The following ANGPT4 variants were observed in gnomAD, a reference collection of about 807,000 sequenced individuals.
The protein encoded by ANGPT4 is angiopoietin 4.
Under a neutral mutation model 53.0 loss-of-function variants are expected in ANGPT4, and 50 were observed. The ratio of observed to expected loss-of-function variants is 0.94; its 90% CI spans 0.75 to 1.20. The LOEUF (loss-of-function observed/expected upper bound fraction) is 1.20. Among genes scored for constraint, ANGPT4 ranks in the 50% most tolerant of loss-of-function variants. The pLI, the probability that ANGPT4 is intolerant of heterozygous loss-of-function variation, is 0.00. For missense variants in ANGPT4, 648 were observed against 637.1 expected (o/e 1.02, Z -0.18); for synonymous variants, 251 against 259.7 (o/e 0.97, Z 0.32).
rs1980989935 is a variant in ANGPT4, at chr20:872,758, C to G, written c.*202G>C. Reference sequence around the variant, plus strand: ...GAGGACTACATCAGAGGGATGGGCCCCGAACACCCTCCATGTCACAGACGG... The same window carrying G: ...GAGGACTACATCAGAGGGATGGGCCGCGAACACCCTCCATGTCACAGACGG... On this transcript the variant is annotated 3_prime_UTR_variant, in exon 9 of 9. Coordinates refer to ENST00000381922, the MANE Select transcript of ANGPT4 (RefSeq NM_015985.4). 3.2e-6 allele frequency: 2 copies of G among 624,734 alleles called. No homozygotes were observed. Among genetic ancestry groups the G allele is most frequent in the South Asian group, 3.9e-5 (2 of 51,470 alleles). 38.7% of individuals were successfully genotyped at this position (624,734 alleles called of 1,614,324 possible).
intron 1 of ANGPT4, among the ~76,000 whole-genome samples, chr20:891,683 G>A (rs747481041): frequency 2.0e-5 from 3 of 152,172 alleles, no homozygotes; most frequent in South Asian, 2.1e-4. Flanking sequence ...ACCTTGGCTC[G>A]GGCCAGGCTC....
chr20:907,910 A>G (rs187184156), intron 1 of ANGPT4, among the ~76,000 whole-genome samples: 141 of 152,296 alleles, frequency 9.3e-4, no homozygotes, highest in African/African-American at 3.2e-3. Context: ...CTCTTATTGG[A>G]TCCCCAGCAG....
chr20:874,142 G>A (rs1055777043), intron 8 of ANGPT4, 142 bp downstream of exon 8: 2 of 1,267,524 alleles, frequency 1.6e-6, no homozygotes, highest in African/African-American at 1.5e-5. Context: ...GCACAGCCAG[G>A]TGAGCTTATG....
intron 6 of ANGPT4, among the ~76,000 whole-genome samples, chr20:878,793 T>C (rs990412035): frequency 6.6e-6 from 1 of 152,214 alleles, no homozygotes; most frequent in Non-Finnish European, 1.5e-5. Context: ...AAATAAAATA[T>C]TTCAATCAGC....
intron 7 of ANGPT4, among the ~76,000 whole-genome samples, chr20:877,073 GGTGGC>G (rs1199247636): frequency 6.6e-6 from 1 of 150,598 alleles, no homozygotes; most frequent in Non-Finnish European, 1.5e-5. Flanking sequence ...CCTTTGCTTT[GGTGGC>G]CAGTGGCTTA....
At position 871,672 on chromosome 20, in the gene ANGPT4, G is replaced by C. The variant is rs1287961872; in HGVS notation, c.*1288C>G. 2.0e-5 allele frequency: 3 copies of C among 152,284 alleles called. No individual in the cohort carries two copies. Among genetic ancestry groups the C allele is most frequent in the African/African-American group, 7.2e-5 (3 of 41,446 alleles). The allele number at this position is 152,284 out of a possible 1,614,324, so 9.4% of individuals were successfully genotyped here. On this transcript the variant is annotated 3_prime_UTR_variant, in exon 9 of 9. Coordinates refer to ENST00000381922, the MANE Select transcript of ANGPT4 (RefSeq NM_015985.4). ...TAGGGCTTGGAGGCAGAGAGGATCT[G>C]GACTTGGAGACAGATGTCCTGCCTA...
intron 1 of ANGPT4, among the ~76,000 whole-genome samples, chr20:910,196 T>C (rs1982645130): frequency 6.6e-6 from 1 of 152,188 alleles, no homozygotes. Context: ...TCTTGGTGCC[T>C]CAGTTTCCTC....
At chr20:883,724 T>C (rs1391553595) in intron 4 of ANGPT4, among the ~76,000 whole-genome samples, 1 of 152,198 alleles carries the variant, frequency 6.6e-6, no homozygotes, top group Non-Finnish European at 1.5e-5. Context: ...CAGCCTCATC[T>C]GGGGACTGGG....
intron 1 of ANGPT4, among the ~76,000 whole-genome samples, chr20:899,704 G>C (rs771928204): frequency 1.3e-5 from 2 of 152,120 alleles, no homozygotes; most frequent in Non-Finnish European, 2.9e-5. Flanking sequence ...CCACCCTGTG[G>C]TGCCAAACCC....
chr20:885,307 C>T lies in ANGPT4; in HGVS notation c.606G>A (p.Leu202=). 2 of 1,584,090 alleles carry T rather than the reference C, an allele frequency of 1.3e-6. No homozygotes were observed. The highest frequency in any genetic ancestry group is 2.3e-5 in the East Asian group (1 of 44,138). The change falls in exon 4 of 9, where the codon TTG becomes TTA. Residue 202 remains leucine, a synonymous_variant. Transcript: ENST00000381922. ...CCTGCTGCTTGGTCTCCAGGGCCTG[C>T]AACCGCTTCTCGAGCGCGCTGCGGG... ...QGQNSALEKR[L]QALETKQQEE...
chr20:879,637 G>T, intron 6 of ANGPT4, 110 bp downstream of exon 6: 1 of 785,166 alleles, frequency 1.3e-6, no homozygotes, highest in Non-Finnish European at 1.9e-6. Context: ...CTTTAGATGA[G>T]TTGATTTTTT....
intron 8 of ANGPT4, 78 bp from the exon 9 acceptor site, chr20:873,198 A>G: frequency 6.8e-7 from 1 of 1,477,728 alleles, no homozygotes; most frequent in Non-Finnish European, 9.2e-7. Context: ...CTGTGTCCCA[A>G]AGAGAACAAA....
intron 1 of ANGPT4, among the ~76,000 whole-genome samples, chr20:899,439 G>A (rs1409006853): frequency 6.6e-6 from 1 of 151,646 alleles, no homozygotes; most frequent in Non-Finnish European, 1.5e-5. Context: ...TTTTTTAGTA[G>A]AGACGGGGTT....
rs377513353 is a variant in ANGPT4, at chr20:879,767, T to C, written c.1033A>G (p.Asn345Asp). The C allele has an allele frequency of 2.5e-6, 4 of 1,613,510 alleles. No homozygotes were observed. Among genetic ancestry groups the C allele is most frequent in the Admixed American group, 1.7e-5 (1 of 59,964 alleles). The stretch of plus-strand genomic sequence containing the variant: ...GCTACCTGTTTGTAATCCTTCCAGT[T>C]CCGCTGAAAATTCACGGTGCCATTC... ...RENGTVNFQR[N>D]WKDYKQGFGD... Residue 345 changes from asparagine to aspartate, a missense_variant, in exon 6 of 9, where the codon AAC (asparagine) becomes GAC (aspartate). By Grantham distance (23) the Asn-to-Asp change is conservative. Transcript: ENST00000381922.
At chr20:879,170 A>G (rs1246222675) in intron 6 of ANGPT4, among the ~76,000 whole-genome samples, 3 of 152,264 alleles carry the variant, frequency 2.0e-5, no homozygotes, top group African/African-American at 7.2e-5. Flanking sequence ...CGCAAATAAT[A>G]GAACTGCTGT....
chr20:894,354 G>A (rs547760342), intron 1 of ANGPT4, among the ~76,000 whole-genome samples: 1 of 152,278 alleles, frequency 6.6e-6, no homozygotes, highest in Non-Finnish European at 1.5e-5. Flanking sequence ...GTGCTGTTGG[G>A]GAGGTCAGCT....
chr20:875,568 C>A (rs6077300), intron 7 of ANGPT4, among the ~76,000 whole-genome samples: 16,744 of 152,194 alleles, frequency 0.11, 1,260 homozygotes, highest in East Asian at 0.44. Flanking sequence ...GCTCACCCCA[C>A]TGAGCCTCAG....
chr20:873,590 T>C (rs1981038552), intron 8 of ANGPT4, among the ~76,000 whole-genome samples: 2 of 152,202 alleles, frequency 1.3e-5, no homozygotes, highest in South Asian at 4.2e-4. Flanking sequence ...TGATGGTCTT[T>C]GTCCCTCTCT....
At position 916,252 on chromosome 20, in the gene ANGPT4, G is replaced by GC. The variant is rs772655243; in HGVS notation, c.-39dup. 2 of 1,579,148 alleles carry GC rather than the reference G, an allele frequency of 1.3e-6. No individual in the cohort carries two copies. Among genetic ancestry groups the GC allele is most frequent in the African/African-American group, 2.7e-5 (2 of 74,474 alleles). On this transcript the variant is annotated 5_prime_UTR_variant, in exon 1 of 9. Transcript: ENST00000381922. Reference sequence around the variant, plus strand: ...CAATGGCGAGGGATGTCTGCTCAGAGCCCTAGGGGCTGTGCCTGGGATGTC... The same window carrying GC: ...CAATGGCGAGGGATGTCTGCTCAGAGCCCCTAGGGGCTGTGCCTGGGATGTC...
Sources: gnomAD v4.1 joint callset for allele counts (sites outside exome capture counted in the v4.1 genomes callset) on GRCh38, gnomAD v4.1.1 for gene constraint, MANE v1.5 for transcripts, NCBI Gene and HGNC (gene_info 2026-07-23, HGNC 2026-07-21) for gene names.